The following KITLG variants were observed in gnomAD, a reference collection of about 807,000 sequenced individuals.
KITLG encodes the protein KIT ligand.
A neutral mutation model predicts 34.1 loss-of-function variants in KITLG; 13 were observed. That is an observed-to-expected ratio of 0.38 (90% CI 0.25 to 0.61). KITLG has a LOEUF of 0.61. Among genes scored for constraint, KITLG ranks in the 20% least tolerant of loss-of-function variants. The pLI is 0.60. For synonymous variants in KITLG, 110 were observed against 104.0 expected, an observed-to-expected ratio of 1.06 and a Z score of -0.35; for missense variants, 292 against 318.9, an observed-to-expected ratio of 0.92 and a Z score of 0.64.
rs147512667 is a variant in KITLG at position 88,497,312 on chromosome 12, C to T, written c.*38-131G>A. ...TGCAATGTATGCTTCACTTATATAG[C>T]AGAAAAGAACTTCATAAATATTTTC... On this transcript the variant is annotated intron_variant, in intron 9 of 9. Transcript: ENST00000644744. 978 of 225,220 alleles carry T rather than the reference C, an allele frequency of 4.3e-3. 3 individuals are homozygous for T. The highest frequency in any genetic ancestry group is 0.023 in the Middle Eastern group (35 of 1,550). The allele number at this position is 225,220 out of a possible 1,614,324, so 14.0% of individuals were successfully genotyped here.
At chr12:88,499,505 A>C (rs186510001) in intron 9 of KITLG, among the ~76,000 whole-genome samples, 1 of 152,256 alleles carries the variant, frequency 6.6e-6, no homozygotes, top group African/African-American at 2.4e-5. Context: ...TGACTAAGCA[A>C]TTTCTCTTTC....
At chr12:88,568,121 A>G (rs1871506915) in intron 1 of KITLG, among the ~76,000 whole-genome samples, 1 of 152,082 alleles carries the variant, frequency 6.6e-6, no homozygotes, top group African/African-American at 2.4e-5. Flanking sequence ...TGACTTTCAC[A>G]ACTTGTGAGG....
At chr12:88,552,012 TAG>T (rs1236787999) in intron 1 of KITLG, among the ~76,000 whole-genome samples, 1 of 151,672 alleles carries the variant, frequency 6.6e-6, no homozygotes, top group African/African-American at 2.4e-5. Flanking sequence ...GCATTGAAAA[TAG>T]AGAGAAGGGA....
At chr12:88,505,083 A>G (rs1437690034) in intron 9 of KITLG, 76 bp downstream of exon 9, 2 of 741,184 alleles carry the variant, frequency 2.7e-6, no homozygotes, top group African/African-American at 1.8e-5. Context: ...ACAAACCTGC[A>G]CATTGTGCAC....
intron 1 of KITLG, among the ~76,000 whole-genome samples, chr12:88,557,466 T>C (rs1366726842): frequency 1.3e-5 from 2 of 152,216 alleles, no homozygotes; most frequent in East Asian, 3.8e-4. Flanking sequence ...AAAAATCCCC[T>C]ACACAGTATA....
chr12:88,521,388 TAGC>T (rs1395947094), intron 3 of KITLG, among the ~76,000 whole-genome samples: 1 of 152,138 alleles, frequency 6.6e-6, no homozygotes, highest in Non-Finnish European at 1.5e-5. Context: ...TGTGAGGTGA[TAGC>T]AGGTCTTTCT....
At chr12:88,521,517 CAG>C (rs1388873063) in intron 3 of KITLG, among the ~76,000 whole-genome samples, 3 of 151,992 alleles carry the variant, frequency 2.0e-5, no homozygotes, top group Non-Finnish European at 4.4e-5. Flanking sequence ...TCTTATTTTT[CAG>C]AGATATTTTA....
At chr12:88,525,440 C>T (rs762657376) in intron 3 of KITLG, among the ~76,000 whole-genome samples, 3 of 152,044 alleles carry the variant, frequency 2.0e-5, no homozygotes, top group Admixed American at 6.6e-5. Context: ...TGAGGAGCGA[C>T]TATATGCATT....
rs146602696 is a variant in KITLG, at chr12:88,528,829, T to C, written c.192+3612A>G. Among the ~76,000 whole-genome samples the C allele has an allele frequency of 5.4e-3, 818 of 152,268 alleles. 27 individuals carry two copies. In the East Asian group the frequency reaches 0.057, roughly 11 times the overall value. On this transcript the variant is annotated intron_variant, in intron 3 of 9. Coordinates refer to ENST00000644744, the MANE Select transcript of KITLG (RefSeq NM_000899.5). ...GCACATGGGTGTTCTTTAAATATTC[T>C]TGCAACGTTTTTGTAAATTTAAAAT...
Position 88,505,371 on chromosome 12 carries a change from C to T in KITLG, c.783-136G>A, listed in dbSNP as rs573103721. Reference sequence around the variant, plus strand: ...ATTGCAAAATTGAATGGGGAGCCTACCTTCTTATTACTATAGGGAAGAGGG... The same window carrying T: ...ATTGCAAAATTGAATGGGGAGCCTATCTTCTTATTACTATAGGGAAGAGGG... On this transcript the variant is annotated intron_variant, in intron 8 of 9. Coordinates refer to ENST00000644744, the MANE Select transcript of KITLG (RefSeq NM_000899.5). 4.2e-5 allele frequency: 29 copies of T among 695,282 alleles called. No homozygotes were observed. The Admixed American group carries it at 5.1e-4, about 12-fold the overall frequency. 43.1% of individuals were successfully genotyped at this position (695,282 alleles called of 1,614,324 possible).
At position 88,523,770 on chromosome 12, in the gene KITLG, C is replaced by T. The variant is rs112387854; in HGVS notation, c.193-4903G>A. ...TGTAGTCTCCGAAATCTTAACTTCT[C>T]TTTGGATTAGCTGGGTTTTGTAATG... On this transcript the variant is annotated intron_variant, in intron 3 of 9. Coordinates refer to ENST00000644744, the MANE Select transcript of KITLG (RefSeq NM_000899.5). 2.0e-3 allele frequency among the ~76,000 whole-genome samples: 308 copies of T among 152,082 alleles called. 1 individual carries two copies. The highest frequency in any genetic ancestry group is 7.3e-3 in the African/African-American group (304 of 41,472).
At chr12:88,541,408 TTC>T (rs1221105844) in intron 2 of KITLG, among the ~76,000 whole-genome samples, 1 of 152,182 alleles carries the variant, frequency 6.6e-6, no homozygotes, top group Non-Finnish European at 1.5e-5. Flanking sequence ...AAAACATTTT[TTC>T]TTTTTAGCAA....
intron 1 of KITLG, among the ~76,000 whole-genome samples, chr12:88,560,518 G>A (rs10777127): frequency 0.66 from 100,151 of 152,090 alleles, 36,712 homozygotes; most frequent in Middle Eastern, 0.86. Flanking sequence ...TGCCCCCTGA[G>A]CTTGGATTTG....
intron 3 of KITLG, among the ~76,000 whole-genome samples, chr12:88,530,384 G>A (rs917435231): frequency 3.9e-5 from 6 of 152,104 alleles, no homozygotes; most frequent in Admixed American, 1.3e-4. Context: ...TTGTAAAATA[G>A]GAATCATAAT....
chr12:88,525,652 A>T (rs369451758), intron 3 of KITLG, among the ~76,000 whole-genome samples: 2 of 152,196 alleles, frequency 1.3e-5, no homozygotes, highest in African/African-American at 4.8e-5. Context: ...AATATATAAC[A>T]CTTAAAATAT....
chr12:88,577,318 A>T (rs1030037981), intron 1 of KITLG, among the ~76,000 whole-genome samples: 1 of 152,082 alleles, frequency 6.6e-6, no homozygotes, highest in African/African-American at 2.4e-5. Context: ...CCTTTTTTAC[A>T]TTGTTTGCAA....
rs1869056618 is a variant in KITLG, at chr12:88,506,296, A to C, written c.782+15T>G. 6.4e-7 allele frequency: 1 copy of C among 1,567,126 alleles called. No homozygotes were observed. The highest frequency in any genetic ancestry group is 1.3e-5 in the African/African-American group (1 of 74,106). On this transcript the variant is annotated intron_variant, in intron 8 of 9. Transcript: ENST00000644744. ...GTCATGCTTGATTGGGCACACATTT[A>C]GCAAAACAAAATACCTTATCTCATT...
intron 1 of KITLG, among the ~76,000 whole-genome samples, chr12:88,573,506 A>G (rs886430741): frequency 4.6e-5 from 7 of 152,186 alleles, no homozygotes; most frequent in Non-Finnish European, 8.8e-5. Context: ...GAAACAAGCC[A>G]ATAATGAGAT....
chr12:88,568,184 T>C (rs1332422223), intron 1 of KITLG, among the ~76,000 whole-genome samples: 1 of 152,166 alleles, frequency 6.6e-6, no homozygotes, highest in Non-Finnish European at 1.5e-5. Flanking sequence ...GTCTAATACA[T>C]ACTGATGTGT....
Sources: gnomAD v4.1 joint callset for allele counts (sites outside exome capture counted in the v4.1 genomes callset) on GRCh38, gnomAD v4.1.1 for gene constraint, MANE v1.5 for transcripts, NCBI Gene and HGNC (gene_info 2026-07-23, HGNC 2026-07-21) for gene names.